Variants in ATP8A1 observed in about 807,000 individuals in gnomAD.
The protein encoded by ATP8A1 is ATPase phospholipid transporting 8A1, also known as phospholipid-transporting ATPase IA.
A neutral mutation model predicts 177.7 loss-of-function variants in ATP8A1; 90 were observed. That is an observed-to-expected ratio of 0.51 (90% confidence interval 0.43 to 0.60). ATP8A1 has a LOEUF of 0.60. Among genes scored for constraint, ATP8A1 ranks in the 20% least tolerant of loss-of-function variants. The pLI, the probability that ATP8A1 is intolerant of heterozygous loss-of-function variation, is 0.00. For synonymous variants in ATP8A1, 493 were observed against 485.9 expected (o/e 1.01, Z -0.19); for missense variants, 1,072 against 1,392.8 (o/e 0.77, Z 3.67).
chr4:42,601,665 T>G (rs1352293170), intron 5 of ATP8A1, among the ~76,000 whole-genome samples: 1 of 152,160 alleles, frequency 6.6e-6, no homozygotes, highest in Non-Finnish European at 1.5e-5. Context: ...AGATGTAAAT[T>G]CCATGAGGGA....
At chr4:42,639,165 T>C (rs975150997) in intron 1 of ATP8A1, among the ~76,000 whole-genome samples, 4 of 151,098 alleles carry the variant, frequency 2.6e-5, no homozygotes, top group African/African-American at 9.7e-5. Context: ...GTTGAAGGAG[T>C]TGTATTTAGA....
intron 20 of ATP8A1, among the ~76,000 whole-genome samples, chr4:42,538,940 A>C (rs1419002536): frequency 6.6e-6 from 1 of 152,244 alleles, no homozygotes; most frequent in Non-Finnish European, 1.5e-5. Flanking sequence ...TCATTATACA[A>C]AAAAGATACT....
rs1214421292 is a variant in ATP8A1 at position 42,577,458 on chromosome 4, C to T, written c.1128+802G>A. Among the ~76,000 whole-genome samples the T allele has an allele frequency of 4.6e-5, 7 of 152,004 alleles. No homozygotes were observed. The South Asian group carries it at 6.2e-4, about 14-fold the overall frequency. On this transcript the variant is annotated intron_variant, in intron 12 of 36. Transcript: ENST00000381668. ...AGTTACAAAAGTATGTCATATTTTT[C>T]GAAACCCTAATATTGTTCATATTGA...
chr4:42,628,802 T>C (rs2109499355), intron 1 of ATP8A1, among the ~76,000 whole-genome samples: 1 of 152,336 alleles, frequency 6.6e-6, no homozygotes, highest in East Asian at 1.9e-4. Context: ...GTTCCCCGCC[T>C]CTGGATTAGA....
chr4:42,464,858 G>C (rs760345890), intron 26 of ATP8A1, 35 bp downstream of exon 26: 1 of 1,612,538 alleles, frequency 6.2e-7, no homozygotes, highest in Non-Finnish European at 8.5e-7. Context: ...AGTTGACTGA[G>C]AGGAATGATG....
At chr4:42,515,750 C>T (rs1725462217) in intron 22 of ATP8A1, among the ~76,000 whole-genome samples, 1 of 152,200 alleles carries the variant, frequency 6.6e-6, no homozygotes, top group East Asian at 1.9e-4. Flanking sequence ...CTTCTATCCT[C>T]TCCCTGCTGA....
chr4:42,540,020 G>A (rs998317375), intron 20 of ATP8A1, among the ~76,000 whole-genome samples: 1 of 152,060 alleles, frequency 6.6e-6, no homozygotes, highest in Non-Finnish European at 1.5e-5. Context: ...TTGAATAGAA[G>A]AAAGTATCTG....
chr4:42,624,647 A>G lies in ATP8A1; in HGVS notation c.265-13T>C. 1 of 1,322,868 alleles carries G rather than the reference A, an allele frequency of 7.6e-7. No homozygotes were observed. The highest frequency in any genetic ancestry group is 1.0e-6 in the Non-Finnish European group (1 of 994,058). The allele number at this position is 1,322,868 out of a possible 1,614,324, so 81.9% of individuals were successfully genotyped here. On this transcript the variant is annotated splice_polypyrimidine_tract_variant and intron_variant, in intron 3 of 36. Coordinates refer to ENST00000381668, the MANE Select transcript of ATP8A1 (RefSeq NM_006095.2). ...CATCAGGTATTTGCTGTTTGGAAAA[A>G]AAAAAAAAAGAGAAATCCAATGAGA...
rs949387217 is a variant in ATP8A1, at chr4:42,409,598, A to G, written c.*3318T>C. The G allele has an allele frequency of 6.6e-6, 1 of 152,188 alleles. No individual in the cohort carries two copies. The highest frequency in any genetic ancestry group is 2.4e-5 in the African/African-American group (1 of 41,460). The allele number at this position is 152,188 out of a possible 1,614,324, so 9.4% of individuals were successfully genotyped here. On this transcript the variant is annotated 3_prime_UTR_variant, in exon 37 of 37. Transcript: ENST00000381668. ...TAAGATTATACACTTAATAGGTTTT[A>G]AAACCAGGAACTATCAAAGGGCAAC...
In ATP8A1 at chr4:42,581,731, T is replaced by C. The variant is rs1404645973; in HGVS notation, c.724A>G (p.Thr242Ala). Reference sequence around the variant, plus strand: ...ATCTGATCTGCTCCCAGTGGAACGGTGCTAGGACAGATTACGTTGACATTA... The same window carrying C: ...ATCTGATCTGCTCCCAGTGGAACGGCGCTAGGACAGATTACGTTGACATTA... The part of the protein sequence containing the change: ...VGNIRLDGHG[T>A]VPLGADQILL... Residue 242 changes from threonine (T) to alanine (A), a missense_variant and splice_region_variant, in exon 10 of 37, where the codon ACC (threonine) becomes GCC (alanine). This residue lies in a region of ATP8A1 where 344 missense variants were observed against 393.5 expected (regional missense o/e 0.87). Coordinates refer to ENST00000381668, the MANE Select transcript of ATP8A1 (RefSeq NM_006095.2). The C allele has an allele frequency of 9.9e-6, 16 of 1,609,430 alleles. No homozygotes were observed. In the East Asian group the frequency reaches 2.7e-4, roughly 27 times the overall value.
intron 4 of ATP8A1, among the ~76,000 whole-genome samples, chr4:42,618,565 T>C (rs12641698): frequency 0.29 from 44,017 of 152,080 alleles, 6,524 homozygotes; most frequent in East Asian, 0.48. Context: ...TTCATTCTAA[T>C]ACCTTTGTCT....
rs1712689283 is a variant in ATP8A1 at position 42,412,145 on chromosome 4, A to T, written c.*771T>A. The T allele has an allele frequency of 6.6e-6, 1 of 152,248 alleles. No homozygotes were observed. Among genetic ancestry groups the T allele is most frequent in the African/African-American group, 2.4e-5 (1 of 41,470 alleles). The allele number at this position is 152,248 out of a possible 1,614,324, so 9.4% of individuals were successfully genotyped here. A position where few individuals can be genotyped will look rare whatever the true frequency, so the allele number is the denominator to read the frequency against. On this transcript the variant is annotated 3_prime_UTR_variant, in exon 37 of 37. Coordinates refer to ENST00000381668, the MANE Select transcript of ATP8A1 (RefSeq NM_006095.2). ...AAATCAGTGTCATAACAACAGAGTC[A>T]CATTAACACGTGTGTCCTCTAACAA...
intron 33 of ATP8A1, among the ~76,000 whole-genome samples, chr4:42,433,659 A>C (rs1049507524): frequency 4.0e-5 from 6 of 151,622 alleles, no homozygotes; most frequent in Admixed American, 6.6e-5. Flanking sequence ...CAAACAAACA[A>C]ACACAAATCT....
intron 22 of ATP8A1, among the ~76,000 whole-genome samples, chr4:42,514,404 A>T (rs1488986845): frequency 6.6e-6 from 1 of 152,218 alleles, no homozygotes; most frequent in African/African-American, 2.4e-5. Context: ...AGAAAGGAGG[A>T]GCATGTGATT....
At chr4:42,477,085 G>A (rs1721146369) in intron 25 of ATP8A1, among the ~76,000 whole-genome samples, 1 of 152,182 alleles carries the variant, frequency 6.6e-6, no homozygotes, top group African/African-American at 2.4e-5. Flanking sequence ...TGATGTGAAG[G>A]CTGGGATTAT....
rs1392530310 is a variant in ATP8A1 at position 42,412,463 on chromosome 4, A to T, written c.*453T>A. On this transcript the variant is annotated 3_prime_UTR_variant, in exon 37 of 37. Transcript: ENST00000381668. Reference sequence around the variant, plus strand: ...GCTCAGGAAGGTGAGTCAGTTCCTTAAGAATGCTGGTTTGTTTCAGCATAT... The same window carrying T: ...GCTCAGGAAGGTGAGTCAGTTCCTTTAGAATGCTGGTTTGTTTCAGCATAT... 6.6e-6 allele frequency: 1 copy of T among 152,452 alleles called. No homozygotes were observed. Among genetic ancestry groups the T allele is most frequent in the African/African-American group, 2.4e-5 (1 of 41,460 alleles). The allele number at this position is 152,452 out of a possible 1,614,324, so 9.4% of individuals were successfully genotyped here.
intron 27 of ATP8A1, among the ~76,000 whole-genome samples, chr4:42,455,883 C>T (rs58182837): frequency 5.3e-5 from 8 of 152,098 alleles, no homozygotes; most frequent in African/African-American, 1.2e-4. Context: ...TTTTTCTTAA[C>T]GGTACTTTCA....
intron 35 of ATP8A1, among the ~76,000 whole-genome samples, chr4:42,417,175 T>A (rs1262305156): frequency 6.6e-6 from 1 of 152,166 alleles, no homozygotes; most frequent in African/African-American, 2.4e-5. Context: ...ATCTTACACC[T>A]TTGGGGAACT....
intron 25 of ATP8A1, among the ~76,000 whole-genome samples, chr4:42,485,062 A>C (rs1255080457): frequency 6.6e-6 from 1 of 152,210 alleles, no homozygotes; most frequent in Non-Finnish European, 1.5e-5. Context: ...TTAGAGGGCA[A>C]AGGAATGTAT....
Sources: allele counts gnomAD v4.1 joint callset (sites outside exome capture counted in the v4.1 genomes callset), GRCh38; gene constraint gnomAD v4.1.1; regional missense constraint gnomAD v4.1.1; transcripts MANE v1.5; gene names NCBI Gene and HGNC (gene_info 2026-07-23, HGNC 2026-07-21).